UTS2: variants seen among roughly 807,000 people sequenced by gnomAD.
The protein encoded by UTS2 is urotensin 2.
Under a neutral mutation model 12.6 loss-of-function variants are expected in UTS2, and 10 were observed. The ratio of observed to expected loss-of-function variants is 0.80; its 90% CI spans 0.49 to 1.35. UTS2 has a LOEUF of 1.35. Ranked by LOEUF, UTS2 falls within the 40% of genes most tolerant of loss-of-function variation. The pLI, the probability that UTS2 is intolerant of heterozygous loss-of-function variation, is 0.00. For missense variants in UTS2, 142 were observed against 143.2 expected, an observed-to-expected ratio of 0.99 and a Z score of 0.04; for synonymous variants, 52 against 50.0, an observed-to-expected ratio of 1.04 and a Z score of -0.17.
At chr1:7,887,762 GAA>G in the UTS2 span, among the ~76,000 whole-genome samples, 36,819 of 126,456 alleles carry the variant, frequency 0.29, 5,250 homozygotes, top group African/African-American at 0.4. Flanking sequence ...TCTCTAAAAG[GAA>G]AAAAAAAAAA....
chr1:7,876,810 T>C, the UTS2 span, among the ~76,000 whole-genome samples: 3 of 148,258 alleles, frequency 2.0e-5, no homozygotes, highest in South Asian at 2.2e-4. Context: ...AAGAAGCAAC[T>C]GTTGTACCAA....
the UTS2 span, among the ~76,000 whole-genome samples, chr1:7,892,995 T>C: frequency 6.6e-6 from 1 of 152,348 alleles, no homozygotes; most frequent in South Asian, 2.1e-4. Context: ...TGGTTTAGTA[T>C]TAATACTTGT....
At chr1:7,848,353 T>C (rs1044299784) in intron 3 of UTS2, among the ~76,000 whole-genome samples, 4 of 152,058 alleles carry the variant, frequency 2.6e-5, no homozygotes, top group African/African-American at 7.2e-5. Context: ...GCATTAGAAT[T>C]GCTTGAACCT....
chr1:7,899,882 C>T, the UTS2 span, among the ~76,000 whole-genome samples: 1 of 152,148 alleles, frequency 6.6e-6, no homozygotes, highest in Non-Finnish European at 1.5e-5. Context: ...CATCTGGAAG[C>T]TTCACGAGGG....
At chr1:7,908,311 A>AAAG in the UTS2 span, among the ~76,000 whole-genome samples, 1 of 151,304 alleles carries the variant, frequency 6.6e-6, no homozygotes, top group Non-Finnish European at 1.5e-5. Flanking sequence ...AAAAAAAAAA[A>AAAG]AAAAGTTAGC....
the UTS2 span, among the ~76,000 whole-genome samples, chr1:7,905,318 T>A: frequency 6.6e-6 from 1 of 151,882 alleles, no homozygotes. Flanking sequence ...TCTAATTTTG[T>A]ATTTTTAGTA....
chr1:7,896,745 G>A, the UTS2 span, among the ~76,000 whole-genome samples: 1 of 151,584 alleles, frequency 6.6e-6, no homozygotes, highest in African/African-American at 2.4e-5. Context: ...TCCCAGTCTG[G>A]AGTGCAGTGG....
chr1:7,851,907 A>G (rs2097414564), intron 1 of UTS2, among the ~76,000 whole-genome samples: 1 of 152,240 alleles, frequency 6.6e-6, no homozygotes, highest in African/African-American at 2.4e-5. Flanking sequence ...AGATGACAGT[A>G]GTAGCTGAGT....
the UTS2 span, among the ~76,000 whole-genome samples, chr1:7,873,418 T>C: frequency 6.6e-6 from 1 of 152,222 alleles, no homozygotes; most frequent in Admixed American, 6.5e-5. Flanking sequence ...ACACTCTAGA[T>C]GCCATTAAGA....
At chr1:7,854,276 G>A (rs1401966219), upstream of UTS2, among the ~76,000 whole-genome samples, 1 of 151,718 alleles carries the variant, frequency 6.6e-6, no homozygotes, top group Non-Finnish European at 1.5e-5. Context: ...TCCAGGAGGC[G>A]GAGGGTGCAG....
the UTS2 span, among the ~76,000 whole-genome samples, chr1:7,889,849 G>A: frequency 9.2e-5 from 14 of 152,160 alleles, no homozygotes; most frequent in Non-Finnish European, 1.6e-4. Context: ...GGAGGATCAC[G>A]AGGTCAGGAG....
At chr1:7,887,638 T>G in the UTS2 span, among the ~76,000 whole-genome samples, 4 of 138,392 alleles carry the variant, frequency 2.9e-5, no homozygotes, top group Non-Finnish European at 3.1e-5. Context: ...TGGTAGCACA[T>G]GAATGTAGTC....
chr1:7,853,245 T>G, upstream of UTS2: 2 of 1,604,494 alleles, frequency 1.2e-6, no homozygotes, highest in Non-Finnish European at 1.7e-6. Flanking sequence ...TTGCCTAGTG[T>G]ACAAAGTAGG....
At chr1:7,894,798 G>A in the UTS2 span, among the ~76,000 whole-genome samples, 5 of 151,510 alleles carry the variant, frequency 3.3e-5, no homozygotes, top group South Asian at 1.0e-3. Flanking sequence ...CGGCAACATG[G>A]TGAAACCCTG....
the UTS2 span, among the ~76,000 whole-genome samples, chr1:7,880,341 A>G: frequency 6.6e-6 from 1 of 151,536 alleles, no homozygotes; most frequent in Non-Finnish European, 1.5e-5. Flanking sequence ...ATCACAAAGG[A>G]TCAAAAAAGC....
chr1:7,854,359 AGAAG>A (rs1638256446), upstream of UTS2, among the ~76,000 whole-genome samples: 2 of 86,060 alleles, frequency 2.3e-5, no homozygotes, highest in African/African-American at 1.1e-4. Context: ...AAAAAAAAAG[AGAAG>A]GAGAAACACT....
At chr1:7,905,964 G>A in the UTS2 span, among the ~76,000 whole-genome samples, 1 of 145,390 alleles carries the variant, frequency 6.9e-6, no homozygotes, top group Non-Finnish European at 1.5e-5. Flanking sequence ...ACGGGGGCCT[G>A]AAGGGCTCCT....
chr1:7,869,339 G>A, the UTS2 span, among the ~76,000 whole-genome samples: 2 of 152,208 alleles, frequency 1.3e-5, no homozygotes, highest in East Asian at 3.8e-4. Context: ...CCGGCGGCTG[G>A]GGTACCGCCA....
At chr1:7,889,442 CAAAAAAAAAAAA>C in the UTS2 span, among the ~76,000 whole-genome samples, 1 of 85,402 alleles carries the variant, frequency 1.2e-5, no homozygotes, top group Admixed American at 1.5e-4. Flanking sequence ...ATCTTATCAC[CAAAAAAAAAAAA>C]AAAAAAAAAG....
Sources: gnomAD v4.1 joint callset for allele counts (sites outside exome capture counted in the v4.1 genomes callset) on GRCh38, gnomAD v4.1.1 for gene constraint, MANE v1.5 for transcripts, NCBI Gene and HGNC (gene_info 2026-07-23, HGNC 2026-07-21) for gene names.